GTSE1: variants seen among roughly 807,000 people sequenced by gnomAD.
GTSE1 encodes G2 and S phase-expressed protein 1.
In GTSE1, 52 loss-of-function variants were observed where a neutral mutation model predicts 60.5. That is an observed-to-expected ratio of 0.86 (90% confidence interval 0.69 to 1.08). GTSE1 has a LOEUF of 1.08. Among genes scored for constraint, GTSE1 ranks in the 50% least tolerant of loss-of-function variants. The probability of loss-of-function intolerance (pLI) is 0.00; values close to 1 mark genes in which losing one functional copy is unlikely to be tolerated. For missense variants in GTSE1, 937 were observed against 961.8 expected (o/e 0.97, Z 0.34); for synonymous variants, 368 against 386.5 (o/e 0.95, Z 0.56).
chr22:46,312,400 G>A, intron 5 of GTSE1, 95 bp downstream of exon 5: 1 of 1,264,048 alleles, frequency 7.9e-7, no homozygotes, highest in East Asian at 2.4e-5. Context: ...AGCATTTTGG[G>A]AGGCCAAGGT....
At position 46,310,765 on chromosome 22, in the gene GTSE1, C is replaced by CA. The variant is rs1454500458; in HGVS notation, c.763-1369dup. Among the ~76,000 whole-genome samples, 1 of 152,062 alleles carries CA rather than the reference C, an allele frequency of 6.6e-6. No individual in the cohort carries two copies. The highest frequency in any genetic ancestry group is 6.6e-5 in the Admixed American group (1 of 15,256). ...CCAACATGGTGAAACCCCGTCTCTA[C>CA]AAAAAAATACAAAAATTAGCCAAGT... is the stretch of plus-strand genomic sequence containing the variant. On this transcript the variant is annotated intron_variant, in intron 4 of 11. Coordinates refer to ENST00000454366, the MANE Select transcript of GTSE1 (RefSeq NM_016426.7). The surrounding 1 kb of genome is among the most constrained non-coding windows in gnomAD (Gnocchi z 4.4).
chr22:46,326,465 G>A lies in GTSE1; in HGVS notation c.1535G>A (p.Arg512His), dbSNP rs144394568. The A allele has an allele frequency of 4.3e-4, 689 of 1,608,870 alleles. No individual in the cohort carries two copies. In the African/African-American group the frequency reaches 7.7e-3, roughly 18 times the overall value. Reference sequence around the variant, plus strand: ...ACTGTCCACAGCACCCCGGTTAGACGCTCATCTGGGCCAGCACCACAAAGC... The same window carrying A: ...ACTGTCCACAGCACCCCGGTTAGACACTCATCTGGGCCAGCACCACAAAGC... ...RVTVHSTPVR[R>H]SSGPAPQSLL... Residue 512 changes from arginine to histidine, a missense_variant, in exon 9 of 12, where the codon CGC becomes CAC. By Grantham distance (29) the Arg-to-His change is conservative (BLOSUM62 0). Coordinates refer to ENST00000454366, the MANE Select transcript of GTSE1 (RefSeq NM_016426.7).
chr22:46,307,790 C>T (rs974648269), intron 2 of GTSE1, among the ~76,000 whole-genome samples: 4 of 151,020 alleles, frequency 2.6e-5, no homozygotes, highest in African/African-American at 7.4e-5. Flanking sequence ...CATAAGCCAC[C>T]GCCCCCAGCC....
intron 7 of GTSE1, among the ~76,000 whole-genome samples, 165 bp from the exon 8 acceptor site, chr22:46,323,025 C>A (rs573367903): frequency 6.6e-6 from 1 of 152,226 alleles, no homozygotes; most frequent in African/African-American, 2.4e-5. Flanking sequence ...ATGTGGCTGC[C>A]TGCAGCAGGG....
chr22:46,307,813 T>TAA (rs554618997), intron 2 of GTSE1, among the ~76,000 whole-genome samples: 17 of 142,228 alleles, frequency 1.2e-4, no homozygotes, highest in Admixed American at 1.4e-4. Context: ...CTGATGCAAT[T>TAA]AAAAAAAAAA....
In GTSE1 at chr22:46,320,790, G is replaced by C. The variant is rs115946192; in HGVS notation, c.1433-2400G>C. ...CGGTACTGGGAGCTGCAGTGGAGACGCGCCGTCCAGGTTTAGGGAAGAGCT... is the reference window on the plus strand; with the variant it reads ...CGGTACTGGGAGCTGCAGTGGAGACCCGCCGTCCAGGTTTAGGGAAGAGCT... On this transcript the variant is annotated intron_variant, in intron 7 of 11. Transcript: ENST00000454366. The surrounding 1 kb of genome is among the most constrained non-coding windows in gnomAD (Gnocchi z 7.1). Among the ~76,000 whole-genome samples the C allele has an allele frequency of 3.9e-5, 6 of 152,290 alleles. No homozygotes were observed. The highest frequency in any genetic ancestry group is 1.4e-4 in the African/African-American group (6 of 41,552).
chr22:46,315,114 A>G lies in GTSE1; in HGVS notation c.1052-918A>G, dbSNP rs1376357492. 5.7e-5 allele frequency among the ~76,000 whole-genome samples: 8 copies of G among 141,408 alleles called. 1 individual carries two copies. The highest frequency in any genetic ancestry group is 4.4e-4 in the South Asian group (2 of 4,502). 92.8% of individuals were successfully genotyped at this position (141,408 alleles called of 152,430 possible). ...TCACTCTATTGCCAGGTTGGAGTGCAGTGGCGCAATCTTGGCTCACTACAA... is the reference window on the plus strand; with the variant it reads ...TCACTCTATTGCCAGGTTGGAGTGCGGTGGCGCAATCTTGGCTCACTACAA... On this transcript the variant is annotated intron_variant, in intron 6 of 11. Transcript: ENST00000454366.
chr22:46,306,140 A>G (rs1235600749), intron 2 of GTSE1, among the ~76,000 whole-genome samples: 1 of 152,034 alleles, frequency 6.6e-6, no homozygotes, highest in Non-Finnish European at 1.5e-5. Context: ...ATATTTTCAA[A>G]TTTTATGATT....
At chr22:46,299,023 C>G (rs1601896628) in intron 2 of GTSE1, among the ~76,000 whole-genome samples, 1 of 152,226 alleles carries the variant, frequency 6.6e-6, no homozygotes, top group East Asian at 1.9e-4. Flanking sequence ...GTCCTTACCA[C>G]TCCATTCAAG....
intron 8 of GTSE1, among the ~76,000 whole-genome samples, chr22:46,323,582 G>C (rs1013942550): frequency 6.6e-6 from 1 of 152,222 alleles, no homozygotes; most frequent in Admixed American, 6.5e-5. Flanking sequence ...GTTCTGATTT[G>C]GTTCATCTAG....
chr22:46,297,537 G>A lies in GTSE1; in HGVS notation c.79+58G>A. ...TCAGGATGTTCAGTAGAGATGGAGG[G>A]TGATTTAATGTTTCCCTGAGAAATT... On this transcript the variant is annotated intron_variant, in intron 2 of 11. Coordinates refer to ENST00000454366, the MANE Select transcript of GTSE1 (RefSeq NM_016426.7). This position sits in a 1 kb window ranked among gnomAD's most constrained non-coding sequence, Gnocchi z 4.9. The A allele has an allele frequency of 1.8e-6, 2 of 1,138,022 alleles. No homozygotes were observed. Among genetic ancestry groups the A allele is most frequent in the Non-Finnish European group, 2.6e-6 (2 of 764,808 alleles). 70.5% of individuals were successfully genotyped at this position (1,138,022 alleles called of 1,614,324 possible).
Position 46,329,173 on chromosome 22 carries a change from G to T in GTSE1, c.1927-185G>T, listed in dbSNP as rs1020972236. ...CTGCTGGTGAGCGGGTATGGACAGG[G>T]AGGTGGGCAACAGTCAGAGAGGCAC... On this transcript the variant is annotated intron_variant, in intron 10 of 11. Coordinates refer to ENST00000454366, the MANE Select transcript of GTSE1 (RefSeq NM_016426.7). The surrounding 1 kb of genome is among the most constrained non-coding windows in gnomAD (Gnocchi z 6.4). 3.0e-6 allele frequency: 2 copies of T among 665,094 alleles called. No homozygotes were observed. The highest frequency in any genetic ancestry group is 5.1e-5 in the East Asian group (2 of 38,912). The allele number at this position is 665,094 out of a possible 1,614,324, so 41.2% of individuals were successfully genotyped here. A position where few individuals can be genotyped will look rare whatever the true frequency, so the allele number is the denominator to read the frequency against.
intron 2 of GTSE1, among the ~76,000 whole-genome samples, chr22:46,302,805 C>T (rs532856446): frequency 6.6e-6 from 1 of 151,852 alleles, no homozygotes. Context: ...GGAATTAGGC[C>T]TGATGTGGTG....
chr22:46,298,692 G>A (rs1324096129), intron 2 of GTSE1, among the ~76,000 whole-genome samples: 1 of 152,122 alleles, frequency 6.6e-6, no homozygotes, highest in South Asian at 2.1e-4. Context: ...CTAGCAAGGC[G>A]CTTGCCTCTG....
Position 46,309,933 on chromosome 22 carries a change from C to T in GTSE1, c.762+990C>T, listed in dbSNP as rs959026081. Among the ~76,000 whole-genome samples the T allele has an allele frequency of 2.6e-5, 4 of 152,170 alleles. No individual in the cohort carries two copies. The highest frequency in any genetic ancestry group is 1.3e-4 in the Admixed American group (2 of 15,272). On this transcript the variant is annotated intron_variant, in intron 4 of 11. Transcript: ENST00000454366. The surrounding 1 kb of genome is among the most constrained non-coding windows in gnomAD (Gnocchi z 6.2). ...GGACAGGGATTGTGCATGTAGCACG[C>T]GTGGACTCGGGGAGAGAGGTGGTGT...
In GTSE1 at chr22:46,330,207, C is replaced by T. The variant is rs527981430; in HGVS notation, c.*77C>T. On this transcript the variant is annotated 3_prime_UTR_variant, in exon 12 of 12. Coordinates refer to ENST00000454366, the MANE Select transcript of GTSE1 (RefSeq NM_016426.7). This position sits in a 1 kb window ranked among gnomAD's most constrained non-coding sequence, Gnocchi z 6.0. Reference sequence around the variant, plus strand: ...CCTCAGAAACAAGCTTTAGGCTGGTCGCAGTGGCTTACACTTGTAACCCTA... The same window carrying T: ...CCTCAGAAACAAGCTTTAGGCTGGTTGCAGTGGCTTACACTTGTAACCCTA... The T allele has an allele frequency of 8.1e-6, 7 of 869,004 alleles. No homozygotes were observed. Among genetic ancestry groups the T allele is most frequent in the East Asian group, 4.9e-5 (2 of 41,144 alleles). The allele number at this position is 869,004 out of a possible 1,614,324, so 53.8% of individuals were successfully genotyped here.
rs117395793 is a variant in GTSE1 at position 46,319,310 on chromosome 22, G to C, written c.1432+2898G>C. On this transcript the variant is annotated intron_variant, in intron 7 of 11. Transcript: ENST00000454366. This position sits in a 1 kb window ranked among gnomAD's most constrained non-coding sequence, Gnocchi z 5.0. ...TCAGAAGGTCCCTCCACAGAGGGAA[G>C]AGCAGAGTCTCTGGGCCGAAGAGTG... 8.1e-4 allele frequency among the ~76,000 whole-genome samples: 123 copies of C among 152,320 alleles called. 1 individual carries two copies. In the East Asian group the frequency reaches 0.023, roughly 28 times the overall value.
chr22:46,300,374 G>T (rs533452597), intron 2 of GTSE1, among the ~76,000 whole-genome samples: 3 of 152,218 alleles, frequency 2.0e-5, no homozygotes, highest in Non-Finnish European at 4.4e-5. Context: ...GGGATTACAG[G>T]CATGAGCTAC....
In GTSE1 at chr22:46,321,217, C is replaced by A. The variant is rs894627089; in HGVS notation, c.1433-1973C>A. Among the ~76,000 whole-genome samples, 1 of 152,142 alleles carries A rather than the reference C, an allele frequency of 6.6e-6. No individual in the cohort carries two copies. The highest frequency in any genetic ancestry group is 1.5e-5 in the Non-Finnish European group (1 of 68,024). ...TCCATACAAGAAAACAAACACCAGCCTGGGCGACACAGTGAGACCCCGATT... is the reference window on the plus strand; with the variant it reads ...TCCATACAAGAAAACAAACACCAGCATGGGCGACACAGTGAGACCCCGATT... On this transcript the variant is annotated intron_variant, in intron 7 of 11. Transcript: ENST00000454366. This position sits in a 1 kb window ranked among gnomAD's most constrained non-coding sequence, Gnocchi z 4.0.
Sources: allele counts gnomAD v4.1 joint callset (sites outside exome capture counted in the v4.1 genomes callset), GRCh38; gene constraint gnomAD v4.1.1; non-coding constraint Gnocchi (gnomAD v3.1); transcripts MANE v1.5; gene names NCBI Gene and HGNC (gene_info 2026-07-23, HGNC 2026-07-21).